The following CNTNAP2 variants were observed in gnomAD, a reference collection of about 807,000 sequenced individuals.
CNTNAP2 encodes contactin associated protein 2.
CNTNAP2 carries 98 observed loss-of-function variants against 155.2 expected under a neutral mutation model. That is an observed-to-expected ratio of 0.63 (90% CI 0.54 to 0.75). CNTNAP2 has a LOEUF of 0.75. CNTNAP2 is among the 30% of genes least tolerant of loss of function. The pLI, the probability that CNTNAP2 is intolerant of heterozygous loss-of-function variation, is 0.00. For missense variants in CNTNAP2, 1,727 were observed against 1,688.1 expected (o/e 1.02, Z -0.40); for synonymous variants, 651 against 631.2 (o/e 1.03, Z -0.47).
At chr7:147,215,415 C>A (rs542046888) in intron 8 of CNTNAP2, among the ~76,000 whole-genome samples, 4 of 152,290 alleles carry the variant, frequency 2.6e-5, no homozygotes, top group African/African-American at 9.6e-5. Flanking sequence ...ATAGTTTAGC[C>A]TTGTCCATAG....
chr7:148,214,727 C>A (rs1795607221), intron 18 of CNTNAP2, among the ~76,000 whole-genome samples: 3 of 152,048 alleles, frequency 2.0e-5, no homozygotes, highest in South Asian at 2.1e-4. Flanking sequence ...CCTACCACCA[C>A]GCCTGGCTAA....
chr7:147,704,122 C>T (rs1456277236), intron 13 of CNTNAP2, among the ~76,000 whole-genome samples: 2 of 152,120 alleles, frequency 1.3e-5, no homozygotes, highest in Non-Finnish European at 2.9e-5. Flanking sequence ...TGTGTACATA[C>T]ACAACTTTTT....
chr7:147,761,553 T>C (rs1208035814), intron 13 of CNTNAP2, among the ~76,000 whole-genome samples: 2 of 152,126 alleles, frequency 1.3e-5, no homozygotes, highest in Non-Finnish European at 2.9e-5. Flanking sequence ...ATCCAACCCT[T>C]AGGTATCAAG....
intron 13 of CNTNAP2, among the ~76,000 whole-genome samples, chr7:147,764,518 G>A (rs1362911215): frequency 6.6e-6 from 1 of 152,096 alleles, no homozygotes; most frequent in African/African-American, 2.4e-5. Context: ...ATTTCCTAGT[G>A]GAAGGCAAAG....
At chr7:148,075,253 A>G (rs1439701761) in intron 15 of CNTNAP2, among the ~76,000 whole-genome samples, 2 of 152,132 alleles carry the variant, frequency 1.3e-5, no homozygotes, top group Non-Finnish European at 2.9e-5. Flanking sequence ...CCTGGCCAAC[A>G]TGGTGAAACC....
At chr7:147,608,566 A>G (rs12674060) in intron 12 of CNTNAP2, among the ~76,000 whole-genome samples, 103,742 of 151,938 alleles carry the variant, frequency 0.68, 35,851 homozygotes, top group African/African-American at 0.78. Context: ...CCTCCCAAAG[A>G]GCTGGGATAA....
At chr7:146,654,494 C>A (rs1799963967) in intron 1 of CNTNAP2, among the ~76,000 whole-genome samples, 1 of 151,952 alleles carries the variant, frequency 6.6e-6, no homozygotes, top group South Asian at 2.1e-4. Flanking sequence ...CACATGAAAG[C>A]AATTGCAGTT....
In CNTNAP2 at chr7:147,639,326, T is replaced by C. The variant is rs2116924380; in HGVS notation, c.2098+20T>C. 3 of 1,609,702 alleles carry C rather than the reference T, an allele frequency of 1.9e-6. No individual in the cohort carries two copies. The highest frequency in any genetic ancestry group is 1.7e-4 in the Middle Eastern group (1 of 6,052). On this transcript the variant is annotated intron_variant, in intron 13 of 23. Transcript: ENST00000361727. ...CCCCAGGTAGGCTGAGAATGGAATG[T>C]TACTTTTAATCACTATCTCAGCTGG...
rs145842352 is a variant in CNTNAP2 at position 146,163,095 on chromosome 7, A to G, written c.97+46122A>G. ...CGGGTGCAGCACACCAACATGGCAC[A>G]TTTACACATACGTAACAAACCTGCA... On this transcript the variant is annotated intron_variant, in intron 1 of 23. Coordinates refer to ENST00000361727, the MANE Select transcript of CNTNAP2 (RefSeq NM_014141.6). 2.1e-4 allele frequency among the ~76,000 whole-genome samples: 32 copies of G among 152,312 alleles called. No individual in the cohort carries two copies. The East Asian group carries it at 6.2e-3, about 29-fold the overall frequency.
chr7:147,815,762 G>A (rs1798254477), intron 13 of CNTNAP2, among the ~76,000 whole-genome samples: 1 of 152,150 alleles, frequency 6.6e-6, no homozygotes, highest in South Asian at 2.1e-4. Flanking sequence ...CATGTTTTGA[G>A]TTGTTCTTCA....
chr7:147,671,683 G>A (rs1795789315), intron 13 of CNTNAP2: 1 of 152,188 alleles, frequency 6.6e-6, no homozygotes, highest in Non-Finnish European at 1.5e-5. Flanking sequence ...CTCAAGGCCA[G>A]AGATGTCTTG....
chr7:148,068,566 T>A (rs1803314456), intron 15 of CNTNAP2, among the ~76,000 whole-genome samples: 1 of 152,078 alleles, frequency 6.6e-6, no homozygotes, highest in Non-Finnish European at 1.5e-5. Context: ...ATATTATGCT[T>A]AAGCTTTGTT....
At chr7:147,775,338 A>AAT (rs1173038496) in intron 13 of CNTNAP2, among the ~76,000 whole-genome samples, 9 of 32,930 alleles carry the variant, frequency 2.7e-4, no homozygotes, top group South Asian at 1.5e-3. Context: ...TATATTTATA[A>AAT]ATATATATAT....
At chr7:147,986,538 C>T (rs1408581266) in intron 15 of CNTNAP2, among the ~76,000 whole-genome samples, 2 of 152,172 alleles carry the variant, frequency 1.3e-5, no homozygotes. Flanking sequence ...TCTCATTTTA[C>T]AGATCAGGGG....
At chr7:147,088,916 C>G (rs1470919804) in intron 4 of CNTNAP2, among the ~76,000 whole-genome samples, 2 of 151,738 alleles carry the variant, frequency 1.3e-5, no homozygotes, top group African/African-American at 4.8e-5. Context: ...TTCAATCCAG[C>G]CTGGGTGACA....
At chr7:146,350,734 G>A (rs1330663512) in intron 1 of CNTNAP2, among the ~76,000 whole-genome samples, 3 of 151,998 alleles carry the variant, frequency 2.0e-5, no homozygotes, top group South Asian at 4.1e-4. Context: ...GCACACGTAT[G>A]TTTATTGCGG....
chr7:146,762,793 G>A (rs1248578878), intron 1 of CNTNAP2, among the ~76,000 whole-genome samples: 1 of 152,104 alleles, frequency 6.6e-6, no homozygotes, highest in African/African-American at 2.4e-5. Context: ...CATGGTGGCA[G>A]GCAAGGTAGC....
At chr7:146,484,355 G>T (rs777563375) in intron 1 of CNTNAP2, among the ~76,000 whole-genome samples, 1 of 152,136 alleles carries the variant, frequency 6.6e-6, no homozygotes, top group Non-Finnish European at 1.5e-5. Flanking sequence ...AATTGTTATT[G>T]CCAGTTAGAA....
intron 2 of CNTNAP2, among the ~76,000 whole-genome samples, chr7:146,805,507 C>T (rs1381628479): frequency 6.6e-6 from 1 of 151,968 alleles, no homozygotes; most frequent in Non-Finnish European, 1.5e-5. Context: ...GAGCAGGATC[C>T]AATTCTCAAG....
Sources: allele counts gnomAD v4.1 joint callset (sites outside exome capture counted in the v4.1 genomes callset), GRCh38; gene constraint gnomAD v4.1.1; transcripts MANE v1.5; gene names NCBI Gene and HGNC (gene_info 2026-07-23, HGNC 2026-07-21).